H2BN1: variants seen among roughly 807,000 people sequenced by gnomAD.
The protein encoded by H2BN1 is histone H2B.N.
the H2BN1 span, among the ~76,000 whole-genome samples, chr17:32,895,739 T>G: frequency 3.9e-5 from 6 of 152,328 alleles, no homozygotes; most frequent in South Asian, 1.2e-3. Context: ...TGAAAAGTTA[T>G]GTGCCAACAG....
the H2BN1 span, among the ~76,000 whole-genome samples, chr17:32,899,385 C>T: frequency 2.8e-4 from 42 of 152,290 alleles, no homozygotes; most frequent in African/African-American, 9.6e-4. Context: ...AAACTTGGGG[C>T]TCCTGGGCCT....
At chr17:32,903,827 G>C in the H2BN1 span, among the ~76,000 whole-genome samples, 44 of 152,290 alleles carry the variant, frequency 2.9e-4, no homozygotes, top group South Asian at 8.5e-3. Context: ...CATTCTCCTT[G>C]TTTTCTCCTC....
At chr17:32,901,347 G>C in the H2BN1 span, among the ~76,000 whole-genome samples, 1,253 of 152,192 alleles carry the variant, frequency 8.2e-3, 4 homozygotes, top group Non-Finnish European at 0.013. Flanking sequence ...TCTTGTATCA[G>C]TGTGTCTTTG....
chr17:32,897,299 C>T, the H2BN1 span, among the ~76,000 whole-genome samples: 3,236 of 151,542 alleles, frequency 0.021, 63 homozygotes, highest in Middle Eastern at 0.034. Context: ...CCTCTCTCCT[C>T]CCTCTCCCTC....
chr17:32,902,788 C>T, the H2BN1 span, among the ~76,000 whole-genome samples: 37 of 151,724 alleles, frequency 2.4e-4, no homozygotes, highest in South Asian at 7.1e-3. Context: ...TGCAGTGAGC[C>T]GGGATTGCGC....
the H2BN1 span, among the ~76,000 whole-genome samples, chr17:32,900,086 G>A: frequency 1.3e-5 from 2 of 152,166 alleles, no homozygotes; most frequent in African/African-American, 4.8e-5. Flanking sequence ...AATTGACAAG[G>A]AAATTTGTTA....
At chr17:32,904,706 G>A in the H2BN1 span, among the ~76,000 whole-genome samples, 5 of 152,116 alleles carry the variant, frequency 3.3e-5, no homozygotes, top group East Asian at 5.8e-4. Context: ...TTTTGGTACT[G>A]TAGATGGCAA....
the H2BN1 span, among the ~76,000 whole-genome samples, chr17:32,900,624 C>T: frequency 2.6e-5 from 4 of 151,870 alleles, no homozygotes; most frequent in Non-Finnish European, 4.4e-5. Flanking sequence ...CTCTGTCGCC[C>T]AGGATGGAGT....
At chr17:32,900,399 AATTTG>A in the H2BN1 span, among the ~76,000 whole-genome samples, 1 of 152,256 alleles carries the variant, frequency 6.6e-6, no homozygotes, top group Admixed American at 6.5e-5. Flanking sequence ...CAAAATTTAT[AATTTG>A]ATTTTGGAAA....
the H2BN1 span, among the ~76,000 whole-genome samples, chr17:32,904,608 G>GAA: frequency 6.6e-6 from 1 of 152,222 alleles, no homozygotes; most frequent in African/African-American, 2.4e-5. Flanking sequence ...ACTCAACAAA[G>GAA]AAAACAGAAC....
the H2BN1 span, among the ~76,000 whole-genome samples, chr17:32,898,258 AC>A: frequency 3.3e-5 from 5 of 152,202 alleles, no homozygotes; most frequent in African/African-American, 1.2e-4. Context: ...GAGACATGAG[AC>A]ATCAATCAAT....
chr17:32,900,055 GGTCA>G, the H2BN1 span, among the ~76,000 whole-genome samples: 3 of 152,160 alleles, frequency 2.0e-5, no homozygotes, highest in Non-Finnish European at 4.4e-5. Context: ...CAAAGTTTTA[GGTCA>G]GTCATAGCTG....
At chr17:32,900,112 A>G in the H2BN1 span, among the ~76,000 whole-genome samples, 859 of 152,374 alleles carry the variant, frequency 5.6e-3, 11 homozygotes, top group African/African-American at 0.019. Flanking sequence ...GTGGCACACA[A>G]TAATTTAACA....
chr17:32,903,152 C>T, the H2BN1 span, among the ~76,000 whole-genome samples: 1 of 151,262 alleles, frequency 6.6e-6, no homozygotes, highest in African/African-American at 2.4e-5. Flanking sequence ...TTTTCTTAAG[C>T]CAATTAGAGT....
At chr17:32,904,945 C>T in the H2BN1 span, among the ~76,000 whole-genome samples, 2 of 151,964 alleles carry the variant, frequency 1.3e-5, no homozygotes, top group Non-Finnish European at 2.9e-5. Flanking sequence ...CCGGAACAAA[C>T]AACAACAACA....
chr17:32,905,162 G>A, the H2BN1 span, among the ~76,000 whole-genome samples: 3 of 152,154 alleles, frequency 2.0e-5, no homozygotes, highest in Non-Finnish European at 4.4e-5. Context: ...ACTCCATAAA[G>A]GAGTTACCTG....
chr17:32,897,137 G>A, the H2BN1 span, among the ~76,000 whole-genome samples: 1 of 152,218 alleles, frequency 6.6e-6, no homozygotes, highest in African/African-American at 2.4e-5. Flanking sequence ...AGTGGTCTAA[G>A]TGCAAGCCTT....
At chr17:32,902,072 G>A in the H2BN1 span, among the ~76,000 whole-genome samples, 40 of 149,542 alleles carry the variant, frequency 2.7e-4, no homozygotes, top group East Asian at 1.4e-3. Context: ...TAAATCTACC[G>A]TACAAGACTC....
At chr17:32,897,081 T>C in the H2BN1 span, among the ~76,000 whole-genome samples, 2 of 152,138 alleles carry the variant, frequency 1.3e-5, no homozygotes, top group African/African-American at 4.8e-5. Context: ...CAGGGCACTG[T>C]AAGGATAAAA....
Sources: gnomAD v4.1 joint callset for allele counts (sites outside exome capture counted in the v4.1 genomes callset) on GRCh38, gnomAD v4.1.1 for gene constraint, MANE v1.5 for transcripts, NCBI Gene and HGNC (gene_info 2026-07-23, HGNC 2026-07-21) for gene names.